SOX5: variants seen among roughly 807,000 people sequenced by gnomAD.
SOX5 encodes transcription factor SOX-5.
In SOX5, 9 loss-of-function variants were observed where a neutral mutation model predicts 92.0. The observed-to-expected ratio is 0.10, with a 90% CI of 0.06 to 0.17. The LOEUF is 0.17. Among genes scored for constraint, SOX5 ranks in the 10% least tolerant of loss-of-function variants. SOX5 has a pLI of 1.00. For synonymous variants in SOX5, 344 were observed against 336.3 expected (o/e 1.02, Z -0.25); for missense variants, 642 against 944.5 (o/e 0.68, Z 4.20).
chr12:23,960,075 A>G (rs1420835791), intron 4 of SOX5, among the ~76,000 whole-genome samples: 1 of 152,178 alleles, frequency 6.6e-6, no homozygotes, highest in African/African-American at 2.4e-5. Flanking sequence ...CTGTGAAACC[A>G]GCATATACCA....
intron 4 of SOX5, among the ~76,000 whole-genome samples, chr12:23,999,792 A>T (rs10842255): frequency 0.29 from 44,527 of 151,802 alleles, 7,196 homozygotes; most frequent in Middle Eastern, 0.43. Flanking sequence ...CCTTCAAAAA[A>T]TGAAGGAGAA....
intron 11 of SOX5, 61 bp downstream of exon 11, chr12:23,563,197 A>T (rs926855116): frequency 4.8e-5 from 64 of 1,325,314 alleles, no homozygotes; most frequent in East Asian, 2.1e-4. Flanking sequence ...TATTTTTTTT[A>T]AAAAAGCATT....
intron 4 of SOX5, among the ~76,000 whole-genome samples, chr12:24,211,427 T>C (rs1196692445): frequency 6.6e-6 from 1 of 152,240 alleles, no homozygotes; most frequent in East Asian, 1.9e-4. Context: ...AATGAATGGA[T>C]AATCATCTTT....
chr12:24,266,744 A>T (rs1943072237), intron 3 of SOX5, among the ~76,000 whole-genome samples: 7 of 152,210 alleles, frequency 4.6e-5, no homozygotes, highest in Admixed American at 4.6e-4. Context: ...CAAAAATGGC[A>T]ATTTAGGTTG....
At chr12:23,999,140 C>CTGTGTGTG (rs1384723605) in intron 4 of SOX5, among the ~76,000 whole-genome samples, 19,826 of 141,174 alleles carry the variant, frequency 0.14, 1,473 homozygotes, top group East Asian at 0.21. Context: ...AAAAAAGACT[C>CTGTGTGTG]TGTGTGTGTG....
intron 1 of SOX5, among the ~76,000 whole-genome samples, chr12:24,441,366 T>TC (rs1940552791): frequency 6.6e-6 from 1 of 152,312 alleles, no homozygotes; most frequent in East Asian, 1.9e-4. Context: ...AATTCTTTTT[T>TC]CCTCTTCCTC....
At chr12:23,800,705 A>G (rs1353087066) in intron 3 of SOX5, among the ~76,000 whole-genome samples, 1 of 152,150 alleles carries the variant, frequency 6.6e-6, no homozygotes, top group Non-Finnish European at 1.5e-5. Flanking sequence ...GGGGGAAAAG[A>G]GCCTTGCAGC....
intron 1 of SOX5, among the ~76,000 whole-genome samples, chr12:23,913,311 TTGTTAGATCTACATTAGGTACA>T (rs2097372091): frequency 6.6e-6 from 1 of 152,130 alleles, no homozygotes; most frequent in African/African-American, 2.4e-5. Flanking sequence ...TTGAACATTG[TTGTTAGATCTACATTAGGTACA>T]TGTTTTTTCT....
intron 12 of SOX5, among the ~76,000 whole-genome samples, chr12:23,543,848 T>A (rs1360659336): frequency 6.6e-6 from 1 of 152,324 alleles, no homozygotes; most frequent in East Asian, 1.9e-4. Context: ...TTATGTTCTC[T>A]TTCTCTCTCC....
At chr12:24,277,394 G>A (rs1277651794) in intron 2 of SOX5, 1 of 89,368 alleles carries the variant, frequency 1.1e-5, no homozygotes, top group Non-Finnish European at 2.8e-5. Context: ...AATAGAAAAT[G>A]TGTAAGGTTT....
chr12:23,954,449 C>T (rs1265100447), upstream of SOX5, among the ~76,000 whole-genome samples: 1 of 149,864 alleles, frequency 6.7e-6, no homozygotes, highest in African/African-American at 2.4e-5. Context: ...GACACTTCCT[C>T]TTTCAAAAAA....
chr12:23,600,460 G>C (rs917635296), intron 9 of SOX5, among the ~76,000 whole-genome samples: 3 of 142,130 alleles, frequency 2.1e-5, no homozygotes, highest in African/African-American at 5.2e-5. Flanking sequence ...TTTAAAATCT[G>C]TCAATGCTCT....
chr12:23,976,406 C>CAAAAAAAAAAAAA (rs869250917), intron 4 of SOX5, among the ~76,000 whole-genome samples: 5 of 37,870 alleles, frequency 1.3e-4, no homozygotes, highest in Non-Finnish European at 1.5e-4. Flanking sequence ...AACAAAAAAA[C>CAAAAAAAAAAAAA]AAAAAAAAAA....
rs886869570 is a variant in SOX5, at chr12:23,943,259, GA to G, written c.38+6304del. Among the ~76,000 whole-genome samples, 1,112 of 139,304 alleles carry G rather than the reference GA, an allele frequency of 8.0e-3. 4 individuals carry two copies. Among genetic ancestry groups the G allele is most frequent in the African/African-American group, 0.024 (901 of 38,264 alleles). 91.4% of individuals were successfully genotyped at this position (139,304 alleles called of 152,430 possible). On this transcript the variant is annotated intron_variant, in intron 1 of 14. Coordinates refer to ENST00000451604, the MANE Select transcript of SOX5 (RefSeq NM_006940.6). ...CCCATTGTCCATGAGTAAGTGAAGA[GA>G]AAAAAAAAAAATCTCTTTAACTTCA...
intron 1 of SOX5, among the ~76,000 whole-genome samples, chr12:24,559,620 A>C (rs974427300): frequency 2.6e-5 from 4 of 152,184 alleles, no homozygotes; most frequent in Non-Finnish European, 4.4e-5. Context: ...TAAGCATTTA[A>C]ATTCATTCCT....
chr12:23,896,714 T>TAAAAAAAAA (rs11306331), intron 1 of SOX5, among the ~76,000 whole-genome samples: 1 of 123,832 alleles, frequency 8.1e-6, no homozygotes, highest in Admixed American at 8.0e-5. Context: ...TGCAAGGTAG[T>TAAAAAAAAA]AAAAAAAAAA....
intron 1 of SOX5, among the ~76,000 whole-genome samples, chr12:24,396,210 A>T (rs1279888770): frequency 6.6e-6 from 1 of 152,158 alleles, no homozygotes. Flanking sequence ...ATGCCCTCTG[A>T]GGGTAAGGCT....
chr12:23,970,679 A>C (rs1038445886), intron 4 of SOX5, among the ~76,000 whole-genome samples: 5 of 150,206 alleles, frequency 3.3e-5, no homozygotes, highest in Admixed American at 1.3e-4. Context: ...TTGTTCATCC[A>C]TTCATGTGTT....
chr12:23,658,622 G>A (rs768336311), intron 7 of SOX5, among the ~76,000 whole-genome samples: 1 of 152,190 alleles, frequency 6.6e-6, no homozygotes, highest in Non-Finnish European at 1.5e-5. Context: ...GCTGGGCATG[G>A]TGGCTCATGC....
Sources: gnomAD v4.1 joint callset for allele counts (sites outside exome capture counted in the v4.1 genomes callset) on GRCh38, gnomAD v4.1.1 for gene constraint, MANE v1.5 for transcripts, NCBI Gene and HGNC (gene_info 2026-07-23, HGNC 2026-07-21) for gene names.